The following ATP9B variants were observed in gnomAD, a reference collection of about 807,000 sequenced individuals.
ATP9B encodes probable phospholipid-transporting ATPase IIB.
In ATP9B, 110 loss-of-function variants were observed where a neutral mutation model predicts 146.1. The ratio of observed to expected loss-of-function variants is 0.75; its 90% confidence interval spans 0.65 to 0.88. ATP9B has a LOEUF of 0.88. ATP9B is among the 40% of genes least tolerant of loss of function. ATP9B has a pLI of 0.00. For missense variants in ATP9B, 1,499 were observed against 1,496.4 expected (o/e 1.00, Z -0.03); for synonymous variants, 604 against 569.7 (o/e 1.06, Z -0.86).
chr18:79,158,872 C>CT (rs1452428765), intron 7 of ATP9B, among the ~76,000 whole-genome samples: 2 of 151,982 alleles, frequency 1.3e-5, no homozygotes, highest in East Asian at 1.9e-4. Flanking sequence ...TTCAAATCTT[C>CT]TTTTTTTGTT....
chr18:79,156,663 A>C (rs2094787067), intron 7 of ATP9B, among the ~76,000 whole-genome samples: 1 of 152,188 alleles, frequency 6.6e-6, no homozygotes. Flanking sequence ...CCTTCTTACT[A>C]ATTCTCTTTG....
chr18:79,125,048 G>A (rs145904704), intron 4 of ATP9B, among the ~76,000 whole-genome samples: 1 of 152,288 alleles, frequency 6.6e-6, no homozygotes, highest in Non-Finnish European at 1.5e-5. Flanking sequence ...ACAGAGGAAT[G>A]GGAAGTTTCG....
chr18:79,359,347 C>CT lies in ATP9B; in HGVS notation c.2904-5dup. The CT allele has an allele frequency of 6.2e-7, 1 of 1,605,866 alleles. No individual in the cohort carries two copies. The highest frequency in any genetic ancestry group is 8.5e-7 in the Non-Finnish European group (1 of 1,172,744). ...ACGCCCATTGCACTCCGCTCTTGGT[C>CT]TTGCAGGTATGCCACCATATACACC... On this transcript the variant is annotated splice_region_variant and splice_polypyrimidine_tract_variant and intron_variant, in intron 25 of 29. Coordinates refer to ENST00000426216, the MANE Select transcript of ATP9B (RefSeq NM_198531.5).
chr18:79,238,225 C>A (rs1015999306), intron 11 of ATP9B, among the ~76,000 whole-genome samples: 1 of 151,302 alleles, frequency 6.6e-6, no homozygotes, highest in African/African-American at 2.4e-5. Flanking sequence ...TTTACCATGA[C>A]TGGATAAGTG....
chr18:79,156,733 A>C (rs549043207), intron 7 of ATP9B, among the ~76,000 whole-genome samples: 181 of 152,316 alleles, frequency 1.2e-3, no homozygotes, highest in Admixed American at 2.1e-3. Flanking sequence ...ATCATTTGCC[A>C]ATATTGGAGT....
At position 79,287,426 on chromosome 18, in the gene ATP9B, C is replaced by G. The variant is rs537737828; in HGVS notation, c.1411+10230C>G. Among the ~76,000 whole-genome samples, 13 of 152,290 alleles carry G rather than the reference C, an allele frequency of 8.5e-5. No individual in the cohort carries two copies. The East Asian group carries it at 2.3e-3, about 27-fold the overall frequency. On this transcript the variant is annotated intron_variant, in intron 13 of 29. Transcript: ENST00000426216. The stretch of plus-strand genomic sequence containing the variant: ...TGCGTAGAGGTGTTTGTAGTATTCT[C>G]TGATGGTAGTTTGTATTTCTGTGAG...
intron 14 of ATP9B, among the ~76,000 whole-genome samples, chr18:79,306,558 G>T (rs2096621468): frequency 1.3e-5 from 2 of 152,208 alleles, no homozygotes; most frequent in African/African-American, 4.8e-5. Context: ...GATTCTTAAA[G>T]ATTTTGTCCT....
intron 12 of ATP9B, among the ~76,000 whole-genome samples, chr18:79,271,153 C>A (rs150366855): frequency 6.6e-6 from 1 of 152,330 alleles, no homozygotes; most frequent in African/African-American, 2.4e-5. Context: ...TCATCCCACA[C>A]CCACTCAGAA....
intron 1 of ATP9B, among the ~76,000 whole-genome samples, chr18:79,084,656 T>C (rs1257394023): frequency 6.6e-6 from 1 of 152,218 alleles, no homozygotes; most frequent in African/African-American, 2.4e-5. Context: ...AAAACAGCTT[T>C]CATATGAGCT....
chr18:79,163,857 TA>T (rs2094920637), intron 7 of ATP9B, among the ~76,000 whole-genome samples: 1 of 133,442 alleles, frequency 7.5e-6, no homozygotes, highest in Admixed American at 7.6e-5. Context: ...TTTATTTTCA[TA>T]TTTTATTTTA....
chr18:79,114,304 C>T (rs954763542), intron 4 of ATP9B, among the ~76,000 whole-genome samples: 3 of 152,078 alleles, frequency 2.0e-5, no homozygotes, highest in Non-Finnish European at 2.9e-5. Flanking sequence ...GCAGATGACC[C>T]GAGGAATCTA....
At chr18:79,195,077 A>G (rs2095406247) in intron 9 of ATP9B, among the ~76,000 whole-genome samples, 2 of 152,182 alleles carry the variant, frequency 1.3e-5, no homozygotes, top group South Asian at 2.1e-4. Flanking sequence ...CTGAAACATT[A>G]TAATAACCAT....
chr18:79,285,000 T>A (rs1413447082), intron 13 of ATP9B, among the ~76,000 whole-genome samples: 6 of 152,134 alleles, frequency 3.9e-5, no homozygotes, highest in Non-Finnish European at 1.5e-5. Flanking sequence ...TGTGCCACAT[T>A]TTCTTAATCC....
At chr18:79,314,132 A>G (rs568794064) in intron 15 of ATP9B, among the ~76,000 whole-genome samples, 4 of 152,334 alleles carry the variant, frequency 2.6e-5, no homozygotes, top group East Asian at 1.9e-4. Context: ...GATGTTTTCT[A>G]TTTAACCTCA....
Position 79,359,518 on chromosome 18 carries a change from T to C in ATP9B, c.3012+56T>C, listed in dbSNP as rs761849147. ...CGACTAGCACCCACATCTAGCATTT[T>C]ACACGAGTGAGAAACAGGCCAGTCA... On this transcript the variant is annotated intron_variant, in intron 26 of 29. Coordinates refer to ENST00000426216, the MANE Select transcript of ATP9B (RefSeq NM_198531.5). 8.8e-6 allele frequency: 12 copies of C among 1,356,390 alleles called. 1 individual carries two copies. The South Asian group carries it at 1.4e-4, about 16-fold the overall frequency. 84.0% of individuals were successfully genotyped at this position (1,356,390 alleles called of 1,614,324 possible).
At chr18:79,212,035 C>T (rs986307150) in intron 10 of ATP9B, among the ~76,000 whole-genome samples, 10 of 152,306 alleles carry the variant, frequency 6.6e-5, no homozygotes, top group African/African-American at 2.4e-4. Flanking sequence ...TGTCTCATTT[C>T]GCAATCCACA....
chr18:79,329,430 GTTT>G, intron 16 of ATP9B, 128 bp downstream of exon 16: 5 of 808,934 alleles, frequency 6.2e-6, no homozygotes, highest in Non-Finnish European at 3.4e-6. Context: ...AGTTTTGTTT[GTTT>G]TTTTTTTTTA....
intron 25 of ATP9B, among the ~76,000 whole-genome samples, chr18:79,350,366 CAG>C (rs2147630878): frequency 6.6e-6 from 1 of 152,388 alleles, no homozygotes; most frequent in South Asian, 2.1e-4. Flanking sequence ...TGTAATCACT[CAG>C]GGAATAACCC....
intron 11 of ATP9B, among the ~76,000 whole-genome samples, chr18:79,220,887 C>G (rs907008628): frequency 6.6e-6 from 1 of 152,178 alleles, no homozygotes; most frequent in Non-Finnish European, 1.5e-5. Context: ...TTGCTGGGCC[C>G]TGCTGCCTCT....
Sources: gnomAD v4.1 joint callset for allele counts (sites outside exome capture counted in the v4.1 genomes callset) on GRCh38, gnomAD v4.1.1 for gene constraint, MANE v1.5 for transcripts, NCBI Gene and HGNC (gene_info 2026-07-23, HGNC 2026-07-21) for gene names.